Variants in NPAS3 observed in about 807,000 individuals in gnomAD.
The protein encoded by NPAS3 is neuronal PAS domain protein 3.
A neutral mutation model predicts 73.1 loss-of-function variants in NPAS3; 14 were observed. The ratio of observed to expected loss-of-function variants is 0.19; its 90% CI spans 0.13 to 0.30. The LOEUF is 0.30. NPAS3 is among the 10% of genes least tolerant of loss of function. NPAS3 has a pLI of 1.00. For missense variants in NPAS3, 1,096 were observed against 1,250.0 expected, an observed-to-expected ratio of 0.88 and a Z score of 1.86; for synonymous variants, 620 against 541.5, an observed-to-expected ratio of 1.14 and a Z score of -2.01.
intron 3 of NPAS3, among the ~76,000 whole-genome samples, chr14:33,306,818 T>G (rs2042771901): frequency 6.6e-6 from 1 of 152,200 alleles, no homozygotes; most frequent in African/African-American, 2.4e-5. Flanking sequence ...TTGCCCCTCA[T>G]TCTGATTTGG....
intron 5 of NPAS3, among the ~76,000 whole-genome samples, chr14:33,653,931 G>A (rs569662288): frequency 1.4e-4 from 21 of 152,200 alleles, no homozygotes; most frequent in African/African-American, 3.9e-4. Flanking sequence ...GATTTTCCTC[G>A]TAACTCACTG....
intron 1 of NPAS3, among the ~76,000 whole-genome samples, chr14:32,986,786 A>C (rs2038116901): frequency 6.6e-6 from 1 of 152,226 alleles, no homozygotes; most frequent in Non-Finnish European, 1.5e-5. Context: ...GTGGGAATGC[A>C]GGTCTTTAGC....
intron 5 of NPAS3, among the ~76,000 whole-genome samples, chr14:33,625,627 G>A (rs1422507627): frequency 6.6e-6 from 1 of 152,200 alleles, no homozygotes; most frequent in Non-Finnish European, 1.5e-5. Flanking sequence ...CCAAAGGCAA[G>A]ATGAAATAAG....
chr14:33,261,100 T>TCA (rs2048959978), intron 3 of NPAS3, among the ~76,000 whole-genome samples: 2 of 152,202 alleles, frequency 1.3e-5, no homozygotes, highest in African/African-American at 4.8e-5. Context: ...TTCTTTTGTT[T>TCA]ATTTCAATGC....
At chr14:33,385,575 A>G (rs980743277) in intron 4 of NPAS3, among the ~76,000 whole-genome samples, 11 of 152,172 alleles carry the variant, frequency 7.2e-5, no homozygotes, top group Non-Finnish European at 1.3e-4. Flanking sequence ...ATGTAAGGTA[A>G]TTATGTATCT....
At chr14:33,472,074 G>A (rs10134938) in intron 4 of NPAS3, among the ~76,000 whole-genome samples, 17,647 of 152,250 alleles carry the variant, frequency 0.12, 1,380 homozygotes, top group African/African-American at 0.21. Flanking sequence ...GAGAGAACAA[G>A]CAAGTAAACT....
intron 1 of NPAS3, among the ~76,000 whole-genome samples, chr14:32,977,356 G>GCACGCACACACACA (rs71432100): frequency 0.034 from 4,749 of 141,344 alleles, 107 homozygotes; most frequent in Middle Eastern, 0.047. Context: ...TCTCTGACAC[G>GCACGCACACACACA]CACACACACA....
At chr14:33,729,314 C>T (rs1466365395) in intron 6 of NPAS3, among the ~76,000 whole-genome samples, 2 of 152,096 alleles carry the variant, frequency 1.3e-5, no homozygotes, top group Admixed American at 6.6e-5. Flanking sequence ...TGAACATGAT[C>T]GTCACGTATC....
At chr14:33,681,890 C>CAAAT (rs2059949378) in intron 6 of NPAS3, among the ~76,000 whole-genome samples, 1 of 151,922 alleles carries the variant, frequency 6.6e-6, no homozygotes, top group South Asian at 2.1e-4. Context: ...AAGTGACAAA[C>CAAAT]AGTGTAGTCG....
At chr14:33,000,612 T>C (rs2038772301) in intron 1 of NPAS3, among the ~76,000 whole-genome samples, 1 of 152,072 alleles carries the variant, frequency 6.6e-6, no homozygotes, top group African/African-American at 2.4e-5. Context: ...ACAAAGGAAA[T>C]AGGAAACACA....
chr14:33,581,941 T>G (rs140615079), intron 5 of NPAS3: 2 of 152,222 alleles, frequency 1.3e-5, no homozygotes, highest in African/African-American at 4.8e-5. Context: ...TTTCTTTCTA[T>G]AGGTGTGCCA....
chr14:33,105,141 A>G (rs1052237558), intron 2 of NPAS3, among the ~76,000 whole-genome samples: 1 of 152,210 alleles, frequency 6.6e-6, no homozygotes, highest in African/African-American at 2.4e-5. Flanking sequence ...CCAAACATAC[A>G]TCACACAAAT....
chr14:33,612,953 A>C (rs1453982799), intron 5 of NPAS3, among the ~76,000 whole-genome samples: 1 of 152,350 alleles, frequency 6.6e-6, no homozygotes, highest in African/African-American at 2.4e-5. Context: ...AATTCCATCA[A>C]CCAAAAAAAG....
chr14:33,147,424 T>C (rs2044271978), intron 2 of NPAS3, among the ~76,000 whole-genome samples: 1 of 152,144 alleles, frequency 6.6e-6, no homozygotes, highest in South Asian at 2.1e-4. Flanking sequence ...AAATGATTAA[T>C]GACAAACTTG....
At chr14:33,378,567 T>C (rs1204157142) in intron 4 of NPAS3, among the ~76,000 whole-genome samples, 1 of 151,640 alleles carries the variant, frequency 6.6e-6, no homozygotes, top group Non-Finnish European at 1.5e-5. Flanking sequence ...ACCCCGGAGG[T>C]AGAGACTGCA....
intron 3 of NPAS3, among the ~76,000 whole-genome samples, chr14:33,273,253 C>CT (rs1164026722): frequency 1.3e-5 from 2 of 152,200 alleles, no homozygotes; most frequent in African/African-American, 4.8e-5. Flanking sequence ...TCTCTTGGCA[C>CT]TTTCTTCCTT....
At chr14:33,526,115 C>G (rs1595086988) in intron 4 of NPAS3, among the ~76,000 whole-genome samples, 1 of 152,210 alleles carries the variant, frequency 6.6e-6, no homozygotes, top group East Asian at 1.9e-4. Flanking sequence ...TGTTTTCCTA[C>G]CGGTATTCCA....
At chr14:33,550,281 A>G (rs7154843) in intron 4 of NPAS3, among the ~76,000 whole-genome samples, 40,263 of 152,100 alleles carry the variant, frequency 0.26, 6,970 homozygotes, top group African/African-American at 0.5. Context: ...AGCCTCCCTA[A>G]TAAGCATTAC....
chr14:33,238,345 G>A (rs911773123), intron 3 of NPAS3, among the ~76,000 whole-genome samples: 1 of 151,932 alleles, frequency 6.6e-6, no homozygotes, highest in Admixed American at 6.6e-5. Context: ...CATTTTTATT[G>A]AAAGCATATC....
Sources: gnomAD v4.1 joint callset for allele counts (sites outside exome capture counted in the v4.1 genomes callset) on GRCh38, gnomAD v4.1.1 for gene constraint, MANE v1.5 for transcripts, NCBI Gene and HGNC (gene_info 2026-07-23, HGNC 2026-07-21) for gene names.